SATL1: variants seen among roughly 807,000 people sequenced by gnomAD.
SATL1 encodes the protein spermidine/spermine N(1)-acetyltransferase-like protein 1.
SATL1 carries 47 observed loss-of-function variants against 51.8 expected under a neutral mutation model. That is an observed-to-expected ratio of 0.91 (90% CI 0.72 to 1.16). The LOEUF (loss-of-function observed/expected upper bound fraction) is 1.16, where lower values mean the gene tolerates loss of function less well. SATL1 is among the 50% of genes most tolerant of loss of function. The pLI, the probability that SATL1 is intolerant of heterozygous loss-of-function variation, is 0.00. For missense variants in SATL1, 520 were observed against 526.4 expected (o/e 0.99, Z 0.12); for synonymous variants, 176 against 182.4 (o/e 0.97, Z 0.28).
chrX:85,104,863 C>T (rs773068901), intron 3 of SATL1, among the ~76,000 whole-genome samples: 3 of 111,220 alleles, frequency 2.7e-5, no homozygotes, highest in Non-Finnish European at 3.8e-5. Context: ...ATGTTCAGTA[C>T]GGTTGCAATT....
chrX:85,107,410 C>A lies in SATL1; in HGVS notation c.1559G>T (p.Gly520Val). The A allele has an allele frequency of 8.3e-7, 1 of 1,212,065 alleles. No individual in the cohort carries two copies. Among genetic ancestry groups the A allele is most frequent in the East Asian group, 3.0e-5 (1 of 33,856 alleles). Residue 520 changes from glycine to valine, a missense_variant, in exon 3 of 8, where the codon GGC becomes GTC. Gly to Val is a moderately radical substitution (Grantham distance 109). Around this residue, in one of 3 missense-constraint regions of SATL1, gnomAD observed 488 missense variants for 474.3 expected, o/e 1.03. Coordinates refer to ENST00000644105, the MANE Select transcript of SATL1 (RefSeq NM_001367857.2). Reference sequence around the variant, plus strand: ...GTAATCCATGCTTGTTTGCCTCATGCCCATTTGGCTCACACTTGGTTGGCT... The same window carrying A: ...GTAATCCATGCTTGTTTGCCTCATGACCATTTGGCTCACACTTGGTTGGCT... ...GRSQPSVSQM[G>V]MRQTSMDYFQ...
At chrX:85,166,469 G>A (rs759953065) in intron 2 of SATL1, among the ~76,000 whole-genome samples, 41 of 110,992 alleles carry the variant, frequency 3.7e-4, no homozygotes, top group African/African-American at 5.6e-4. Flanking sequence ...AGCTAAGGAC[G>A]TGAATAGACA....
chrX:85,149,041 A>T (rs1453512344), intron 2 of SATL1, among the ~76,000 whole-genome samples: 1 of 111,709 alleles, frequency 9.0e-6, no homozygotes, highest in East Asian at 2.8e-4. Flanking sequence ...AAGAGTCAAG[A>T]CCCATCAGTG....
At chrX:85,180,339 GTTA>G (rs1423503681) in intron 2 of SATL1, among the ~76,000 whole-genome samples, 2 of 110,730 alleles carry the variant, frequency 1.8e-5, no homozygotes, top group Non-Finnish European at 3.8e-5. Context: ...AGGCACTTCT[GTTA>G]TTATGAGAAC....
chrX:85,207,222 C>T (rs1369690930), intron 2 of SATL1: 1 of 111,648 alleles, frequency 9.0e-6, no homozygotes, highest in Non-Finnish European at 1.9e-5. Flanking sequence ...CAGATCTAGC[C>T]TTCCATTGTT....
intron 2 of SATL1, chrX:85,210,930 G>A (rs1225026912): frequency 9.0e-6 from 1 of 111,139 alleles, no homozygotes; most frequent in East Asian, 2.8e-4. Flanking sequence ...TTTTTTTCCT[G>A]TTTGTATCGG....
intron 2 of SATL1, chrX:85,207,981 C>A (rs1366480285): frequency 9.0e-6 from 1 of 111,225 alleles, no homozygotes; most frequent in Non-Finnish European, 1.9e-5. Context: ...TATACATGTG[C>A]CATGTTGGTT....
chrX:85,126,276 C>T (rs1925623006), intron 2 of SATL1, among the ~76,000 whole-genome samples: 2 of 111,532 alleles, frequency 1.8e-5, no homozygotes, highest in African/African-American at 6.5e-5. Context: ...GCCTTTCCTA[C>T]TTTGTCAGTC....
chrX:85,195,747 G>A (rs181413633), intron 2 of SATL1, among the ~76,000 whole-genome samples: 95 of 110,106 alleles, frequency 8.6e-4, no homozygotes, highest in African/African-American at 2.6e-3. Context: ...AGGAGGTGGA[G>A]GTTGCAGTGA....
chrX:85,154,008 T>C lies in SATL1; in HGVS notation c.-312-44728A>G, dbSNP rs1415793271. 3 of 112,144 alleles carry C rather than the reference T, an allele frequency of 2.7e-5. No homozygotes were observed. The Admixed American group carries it at 2.8e-4, about 11-fold the overall frequency. The allele number at this position is 112,144 out of a possible 1,213,427, so 9.2% of individuals were successfully genotyped here. On this transcript the variant is annotated intron_variant, in intron 2 of 7. Transcript: ENST00000644105. ...AATGAATATAATTTATCATGCATAT[T>C]ACATACAGGTGGTATGTTCTCTTCC...
chrX:85,109,290 G>T lies in SATL1; in HGVS notation c.-312-10C>A. The T allele has an allele frequency of 3.2e-6, 1 of 316,751 alleles. No homozygotes were observed. 26.1% of individuals were successfully genotyped at this position (316,751 alleles called of 1,213,427 possible). ...GTCATCTGGCCTTTCCCTGCCAAAA[G>T]GGGGGAAGTAAAGGGAAGACGAAAA... On this transcript the variant is annotated splice_polypyrimidine_tract_variant and intron_variant, in intron 2 of 7. Coordinates refer to ENST00000644105, the MANE Select transcript of SATL1 (RefSeq NM_001367857.2).
chrX:85,174,050 TG>T (rs1450841617), intron 2 of SATL1, among the ~76,000 whole-genome samples: 1 of 109,256 alleles, frequency 9.2e-6, no homozygotes, highest in Non-Finnish European at 1.9e-5. Context: ...TGTGATAGTT[TG>T]CTCAGAATGA....
chrX:85,208,866 T>A (rs1449589432), intron 2 of SATL1: 6 of 112,140 alleles, frequency 5.4e-5, no homozygotes, highest in African/African-American at 1.9e-4. Context: ...ACTCTGATGG[T>A]AATTCCTTTT....
At chrX:85,117,362 C>T in intron 2 of SATL1, 1 of 111,605 alleles carries the variant, frequency 9.0e-6, no homozygotes, top group South Asian at 3.8e-4. Context: ...TGTTGCAGAC[C>T]CACATGTATT....
At chrX:85,213,904 C>T (rs1376360031) in intron 2 of SATL1, among the ~76,000 whole-genome samples, 3 of 110,619 alleles carry the variant, frequency 2.7e-5, no homozygotes, top group Non-Finnish European at 3.8e-5. Flanking sequence ...TGTGGAAACT[C>T]AAAAAGAGAA....
At chrX:85,110,184 G>C (rs1295107540) in intron 2 of SATL1, among the ~76,000 whole-genome samples, 1 of 111,524 alleles carries the variant, frequency 9.0e-6, no homozygotes, top group Admixed American at 9.6e-5. Flanking sequence ...CTTCGTAAAA[G>C]TTGGTGGAGA....
intron 2 of SATL1, among the ~76,000 whole-genome samples, chrX:85,221,629 GATTATA>G (rs1928179232): frequency 8.9e-6 from 1 of 111,955 alleles, no homozygotes; most frequent in African/African-American, 3.2e-5. Flanking sequence ...TGGATAACCT[GATTATA>G]AATAAGTCTT....
intron 2 of SATL1, among the ~76,000 whole-genome samples, chrX:85,129,325 A>T: frequency 9.0e-6 from 1 of 111,173 alleles, no homozygotes; most frequent in East Asian, 2.8e-4. Context: ...TATTTTGTTG[A>T]GTAGTGGTTT....
chrX:85,127,608 T>A (rs921719140), intron 2 of SATL1, among the ~76,000 whole-genome samples: 23 of 111,682 alleles, frequency 2.1e-4, no homozygotes, highest in Non-Finnish European at 3.8e-5. Flanking sequence ...GTTACTGGAC[T>A]TTTTCAATCC....
Sources: allele counts gnomAD v4.1 joint callset (sites outside exome capture counted in the v4.1 genomes callset), GRCh38; gene constraint gnomAD v4.1.1; regional missense constraint gnomAD v4.1.1; transcripts MANE v1.5; gene names NCBI Gene and HGNC (gene_info 2026-07-23, HGNC 2026-07-21).